TGFBR3: variants seen among roughly 807,000 people sequenced by gnomAD.
TGFBR3 encodes transforming growth factor beta receptor 3.
Under a neutral mutation model 87.9 loss-of-function variants are expected in TGFBR3, and 46 were observed. That is an observed-to-expected ratio of 0.52 (90% CI 0.41 to 0.67). TGFBR3 has a LOEUF of 0.67. Among genes scored for constraint, TGFBR3 ranks in the 30% least tolerant of loss-of-function variants. TGFBR3 has a pLI of 0.00. For synonymous variants in TGFBR3, 381 were observed against 391.6 expected (o/e 0.97, Z 0.32); for missense variants, 866 against 1,041.9 (o/e 0.83, Z 2.32).
At chr1:91,698,940 C>T (rs1332674434) in intron 14 of TGFBR3, among the ~76,000 whole-genome samples, 2 of 151,962 alleles carry the variant, frequency 1.3e-5, no homozygotes, top group Non-Finnish European at 2.9e-5. Flanking sequence ...CCCTTATCTC[C>T]ACCACTACCC....
upstream of TGFBR3, among the ~76,000 whole-genome samples, chr1:91,890,409 CTTTTTT>C (rs1175619952): frequency 5.5e-4 from 33 of 60,386 alleles, no homozygotes; most frequent in East Asian, 2.3e-3. Context: ...TCTCTATAAT[CTTTTTT>C]TTTTTTTTTT....
chr1:91,829,478 CAA>C (rs1676775309), intron 2 of TGFBR3, among the ~76,000 whole-genome samples: 1 of 151,550 alleles, frequency 6.6e-6, no homozygotes, highest in East Asian at 1.9e-4. Context: ...GTGGTTCTGA[CAA>C]AGTGACACCA....
chr1:91,745,562 A>G (rs1673315274), intron 4 of TGFBR3, among the ~76,000 whole-genome samples: 1 of 152,218 alleles, frequency 6.6e-6, no homozygotes, highest in South Asian at 2.1e-4. Context: ...TTGGACACAC[A>G]AAGTCCAGCA....
chr1:91,885,931 G>C lies in TGFBR3; in HGVS notation c.-167C>G, dbSNP rs774060412. The stretch of plus-strand genomic sequence containing the variant: ...CACCCGCAGCAAGTTGGAGGAAAGC[G>C]GCGGCAAGTTTCCCCGCCCAGCGCT... On this transcript the variant is annotated 5_prime_UTR_variant, in exon 1 of 17. Transcript: ENST00000212355. The C allele has an allele frequency of 6.1e-5, 27 of 446,150 alleles. 1 individual carries two copies. Among genetic ancestry groups the C allele is most frequent in the South Asian group, 4.1e-4 (26 of 63,008 alleles). 27.6% of individuals were successfully genotyped at this position (446,150 alleles called of 1,614,324 possible). A position where few individuals can be genotyped will look rare whatever the true frequency, so the allele number is the denominator to read the frequency against.
At chr1:91,903,580 TA>T (rs1006597685) in intron 1 of TGFBR3, among the ~76,000 whole-genome samples, 7 of 149,950 alleles carry the variant, frequency 4.7e-5, no homozygotes, top group East Asian at 2.0e-4. Context: ...CCTATCTCTC[TA>T]AAAAAAAATT....
chr1:91,852,093 AC>A (rs1198579585), intron 2 of TGFBR3, among the ~76,000 whole-genome samples: 1 of 152,202 alleles, frequency 6.6e-6, no homozygotes, highest in East Asian at 1.9e-4. Context: ...TACAAAAAAT[AC>A]AAAACTTAGC....
intron 3 of TGFBR3, among the ~76,000 whole-genome samples, chr1:91,790,333 T>C (rs1468324966): frequency 1.3e-5 from 2 of 152,200 alleles, no homozygotes; most frequent in Non-Finnish European, 2.9e-5. Context: ...CCATGGGCTA[T>C]ATATACCATA....
In TGFBR3 at chr1:91,861,559, C is replaced by A. The variant is rs777816113; in HGVS notation, c.-28G>T. 8 of 1,584,552 alleles carry A rather than the reference C, an allele frequency of 5.0e-6. No individual in the cohort carries two copies. The highest frequency in any genetic ancestry group is 6.1e-6 in the Non-Finnish European group (7 of 1,153,194). On this transcript the variant is annotated 5_prime_UTR_variant, in exon 2 of 17. Coordinates refer to ENST00000212355, the MANE Select transcript of TGFBR3 (RefSeq NM_003243.5). ...TTATTTCTCCAACAGTGCGTCTCGT[C>A]CAGTCACTTCAGCCTGCTCAGAGCA... is the stretch of plus-strand genomic sequence containing the variant.
At chr1:91,893,038 G>A (rs1679481322) in intron 2 of TGFBR3, among the ~76,000 whole-genome samples, 1 of 152,110 alleles carries the variant, frequency 6.6e-6, no homozygotes, top group African/African-American at 2.4e-5. Flanking sequence ...AAGAAATGCT[G>A]AAAGTCTACT....
upstream of TGFBR3, among the ~76,000 whole-genome samples, chr1:91,887,963 T>A (rs1679369919): frequency 6.6e-6 from 1 of 152,204 alleles, no homozygotes; most frequent in Non-Finnish European, 1.5e-5. Context: ...TAAACAGTAT[T>A]TGATATGGTT....
At chr1:91,764,629 G>T (rs938477459) in intron 3 of TGFBR3, among the ~76,000 whole-genome samples, 4 of 152,106 alleles carry the variant, frequency 2.6e-5, no homozygotes, top group Admixed American at 6.5e-5. Context: ...GGGTGGTTCG[G>T]GTGGAGGAAC....
At chr1:91,731,513 C>T (rs1255591148) in intron 5 of TGFBR3, among the ~76,000 whole-genome samples, 1 of 152,240 alleles carries the variant, frequency 6.6e-6, no homozygotes, top group Non-Finnish European at 1.5e-5. Context: ...CCCTCCACAT[C>T]TGCTGAGGGT....
chr1:91,699,698 A>G (rs1671558570), intron 14 of TGFBR3, among the ~76,000 whole-genome samples: 2 of 152,194 alleles, frequency 1.3e-5, no homozygotes, highest in Non-Finnish European at 2.9e-5. Context: ...GAGCAGCCTG[A>G]GACTCTGATA....
At chr1:91,786,371 G>T (rs1674961272) in intron 3 of TGFBR3, 2 of 387,414 alleles carry the variant, frequency 5.2e-6, no homozygotes, top group Admixed American at 3.4e-5. Context: ...AGGCTCCAGG[G>T]TAAGTGGAGA....
intron 8 of TGFBR3, 117 bp downstream of exon 8, chr1:91,721,838 A>T (rs1672376746): frequency 2.1e-6 from 2 of 972,630 alleles, no homozygotes; most frequent in South Asian, 3.4e-5. Flanking sequence ...AAAGTAGTCA[A>T]ATTATTAAAA....
chr1:91,682,003 T>A lies in TGFBR3; in HGVS notation c.*1736A>T, dbSNP rs905409365. 5 of 453,774 alleles carry A rather than the reference T, an allele frequency of 1.1e-5. No individual in the cohort carries two copies. The Admixed American group carries it at 1.2e-4, about 11-fold the overall frequency. 28.1% of individuals were successfully genotyped at this position (453,774 alleles called of 1,614,324 possible). A position where few individuals can be genotyped will look rare whatever the true frequency, so the allele number is the denominator to read the frequency against. On this transcript the variant is annotated 3_prime_UTR_variant, in exon 17 of 17. Coordinates refer to ENST00000212355, the MANE Select transcript of TGFBR3 (RefSeq NM_003243.5). ...TAGATCAATGTAGATAGCCTGGAAA[T>A]CTCAGCCCTAAAGTAATGTTTTAGT...
intron 2 of TGFBR3, among the ~76,000 whole-genome samples, chr1:91,825,625 T>C (rs1892006): frequency 0.99 from 151,408 of 152,376 alleles, 75,227 homozygotes; most frequent in Middle Eastern, 1. Flanking sequence ...AGGTGAATTG[T>C]ATGGTATGTG....
At chr1:91,687,470 C>T (rs1671127398) in intron 16 of TGFBR3, among the ~76,000 whole-genome samples, 1 of 152,326 alleles carries the variant, frequency 6.6e-6, no homozygotes, top group Middle Eastern at 3.4e-3. Flanking sequence ...TATATTACAA[C>T]TGTATTCTTA....
intron 2 of TGFBR3, among the ~76,000 whole-genome samples, chr1:91,808,000 CA>C (rs1675897300): frequency 6.6e-6 from 1 of 152,100 alleles, no homozygotes; most frequent in Admixed American, 6.5e-5. Context: ...ACATTTTCTC[CA>C]ATCAAAAACT....
Sources: allele counts gnomAD v4.1 joint callset (sites outside exome capture counted in the v4.1 genomes callset), GRCh38; gene constraint gnomAD v4.1.1; transcripts MANE v1.5; gene names NCBI Gene and HGNC (gene_info 2026-07-23, HGNC 2026-07-21).